Variants in IL1RL2 observed in about 807,000 individuals in gnomAD.
IL1RL2 encodes the protein interleukin-1 receptor-like 2.
IL1RL2 carries 68 observed loss-of-function variants against 66.8 expected under a neutral mutation model. That is an observed-to-expected ratio of 1.02 (90% CI 0.84 to 1.25). IL1RL2 has a LOEUF of 1.25. Ranked by LOEUF, IL1RL2 falls within the 50% of genes most tolerant of loss-of-function variation. The pLI, the probability that IL1RL2 is intolerant of heterozygous loss-of-function variation, is 0.00. For synonymous variants in IL1RL2, 305 were observed against 264.6 expected (o/e 1.15, Z -1.48); for missense variants, 729 against 709.3 (o/e 1.03, Z -0.32).
At chr2:102,201,450 C>G in intron 4 of IL1RL2, 106 bp from the exon 5 acceptor site, 1 of 966,140 alleles carries the variant, frequency 1.0e-6, no homozygotes, top group Non-Finnish European at 1.6e-6. Flanking sequence ...ACCTAGCTAG[C>G]TAGCTATCTG....
chr2:102,224,395 G>A (rs1690416898), intron 8 of IL1RL2, among the ~76,000 whole-genome samples: 1 of 152,178 alleles, frequency 6.6e-6, no homozygotes, highest in Non-Finnish European at 1.5e-5. Context: ...CCATAAAAGA[G>A]AATGAAATTC....
intron 5 of IL1RL2, among the ~76,000 whole-genome samples, chr2:102,207,005 C>A (rs923484725): frequency 2.0e-5 from 3 of 152,198 alleles, no homozygotes; most frequent in African/African-American, 7.2e-5. Context: ...GGCAGAGGAG[C>A]CTCAGCATCC....
intron 1 of IL1RL2, chr2:102,187,463 G>T: frequency 1.0e-6 from 1 of 971,532 alleles, no homozygotes; most frequent in Non-Finnish European, 1.3e-6. Flanking sequence ...CCGCGAGCGG[G>T]GTTGGGGTCC....
chr2:102,192,775 C>T (rs1997503), intron 4 of IL1RL2, among the ~76,000 whole-genome samples: 14,813 of 152,164 alleles, frequency 0.097, 819 homozygotes, highest in African/African-American at 0.14. Context: ...TGCTTGTTAA[C>T]GCCTGCCAGC....
At chr2:102,229,533 A>G (rs1455292083) in intron 9 of IL1RL2, among the ~76,000 whole-genome samples, 1 of 152,238 alleles carries the variant, frequency 6.6e-6, no homozygotes, top group Non-Finnish European at 1.5e-5. Context: ...ATTTGGGGAT[A>G]GAACCATGTC....
intron 8 of IL1RL2, among the ~76,000 whole-genome samples, chr2:102,224,104 G>A (rs1228216274): frequency 1.3e-5 from 2 of 152,246 alleles, no homozygotes; most frequent in Non-Finnish European, 2.9e-5. Context: ...GCCTAGGGCA[G>A]GTGGCAATAA....
At chr2:102,195,418 A>G (rs572310778) in intron 4 of IL1RL2, among the ~76,000 whole-genome samples, 86 of 152,008 alleles carry the variant, frequency 5.7e-4, no homozygotes, top group Non-Finnish European at 9.6e-4. Context: ...GGTAGGGTCA[A>G]ATGTAATTTT....
At chr2:102,204,073 T>C (rs1688495821) in intron 5 of IL1RL2, among the ~76,000 whole-genome samples, 1 of 152,134 alleles carries the variant, frequency 6.6e-6, no homozygotes, top group African/African-American at 2.4e-5. Flanking sequence ...TATGTTTTAG[T>C]ATGTTGTGTT....
intron 6 of IL1RL2, among the ~76,000 whole-genome samples, chr2:102,213,514 A>T (rs1270560108): frequency 6.6e-6 from 1 of 152,162 alleles, no homozygotes; most frequent in Non-Finnish European, 1.5e-5. Context: ...TTATTTGTCT[A>T]TTAAAACTAA....
chr2:102,223,379 C>T (rs7567539), intron 8 of IL1RL2, among the ~76,000 whole-genome samples: 2,037 of 152,268 alleles, frequency 0.013, 54 homozygotes, highest in African/African-American at 0.046. Flanking sequence ...ATTGGGTGTG[C>T]TCTTCCGTGA....
chr2:102,193,181 A>T (rs1687382555), intron 4 of IL1RL2, among the ~76,000 whole-genome samples: 1 of 152,088 alleles, frequency 6.6e-6, no homozygotes, highest in Admixed American at 6.5e-5. Context: ...TTTCATGTTC[A>T]TTTAGGTTGT....
intron 4 of IL1RL2, among the ~76,000 whole-genome samples, chr2:102,199,267 T>A (rs3771196): frequency 0.26 from 39,773 of 152,178 alleles, 6,291 homozygotes; most frequent in East Asian, 0.38. Flanking sequence ...CTAAAGGATC[T>A]TTCTCAAAAG....
chr2:102,200,396 CA>C (rs1380719432), intron 4 of IL1RL2, among the ~76,000 whole-genome samples: 1 of 152,062 alleles, frequency 6.6e-6, no homozygotes, highest in Non-Finnish European at 1.5e-5. Flanking sequence ...CATGCTGTTC[CA>C]GGGGTGGAGA....
chr2:102,196,888 A>G (rs957448046), intron 4 of IL1RL2, among the ~76,000 whole-genome samples: 2 of 152,208 alleles, frequency 1.3e-5, no homozygotes, highest in African/African-American at 2.4e-5. Context: ...GAATCCTACC[A>G]TCAGGAGAAT....
At position 102,218,939 on chromosome 2, in the gene IL1RL2, T is replaced by G. The variant is rs537252438; in HGVS notation, c.725-14T>G. On this transcript the variant is annotated splice_polypyrimidine_tract_variant and intron_variant, in intron 6 of 11. Transcript: ENST00000264257. The stretch of plus-strand genomic sequence containing the variant: ...GAATTTTCATTGAATATTGATGATA[T>G]TGGTTTTTTTTAGGTACCACTCTGA... The G allele has an allele frequency of 6.2e-7, 1 of 1,604,390 alleles. No individual in the cohort carries two copies. Among genetic ancestry groups the G allele is most frequent in the Non-Finnish European group, 8.5e-7 (1 of 1,173,472 alleles).
At chr2:102,225,845 T>C (rs1690550923) in intron 8 of IL1RL2, 53 bp from the exon 9 acceptor site, 3 of 1,366,284 alleles carry the variant, frequency 2.2e-6, no homozygotes, top group Non-Finnish European at 2.9e-6. Flanking sequence ...AATGGACTCT[T>C]TGTTTCATTA....
chr2:102,238,853 C>T lies in IL1RL2; in HGVS notation c.1679-339C>T, dbSNP rs1305947357. On this transcript the variant is annotated intron_variant, in intron 11 of 11. Coordinates refer to ENST00000264257, the MANE Select transcript of IL1RL2 (RefSeq NM_003854.4). ...TACACCCAGGAACTTCTGAGAAATG[C>T]TGCTGTTCACTAATACAATTCCACC... 3.3e-5 allele frequency among the ~76,000 whole-genome samples: 5 copies of T among 152,192 alleles called. No individual in the cohort carries two copies. The East Asian group carries it at 5.8e-4, about 18-fold the overall frequency.
At chr2:102,233,232 C>A (rs1691303566) in intron 10 of IL1RL2, 108 bp downstream of exon 10, 2 of 1,093,400 alleles carry the variant, frequency 1.8e-6, no homozygotes, top group Admixed American at 2.3e-5. Flanking sequence ...CCCATGGAAC[C>A]ACAGAGAGTC....
intron 4 of IL1RL2, among the ~76,000 whole-genome samples, chr2:102,200,362 T>C (rs1485391269): frequency 6.6e-6 from 1 of 152,228 alleles, no homozygotes; most frequent in Non-Finnish European, 1.5e-5. Context: ...AATTATTTAC[T>C]GCATCCTGCT....
Sources: allele counts gnomAD v4.1 joint callset (sites outside exome capture counted in the v4.1 genomes callset), GRCh38; gene constraint gnomAD v4.1.1; transcripts MANE v1.5; gene names NCBI Gene and HGNC (gene_info 2026-07-23, HGNC 2026-07-21).